Variants in VAV3 observed in about 807,000 individuals in gnomAD.
The protein encoded by VAV3 is vav guanine nucleotide exchange factor 3, also known as guanine nucleotide exchange factor VAV3.
Under a neutral mutation model 131.2 loss-of-function variants are expected in VAV3, and 94 were observed. That is an observed-to-expected ratio of 0.72 (90% CI 0.61 to 0.85). The LOEUF (loss-of-function observed/expected upper bound fraction) is 0.85. Ranked by LOEUF, VAV3 falls within the 40% of genes least tolerant of loss-of-function variation. The pLI, the probability that VAV3 is intolerant of heterozygous loss-of-function variation, is 0.00. For missense variants in VAV3, 939 were observed against 1,002.7 expected, an observed-to-expected ratio of 0.94 and a Z score of 0.86; for synonymous variants, 349 against 342.0, an observed-to-expected ratio of 1.02 and a Z score of -0.22.
Position 107,749,072 on chromosome 1 carries a change from A to C in VAV3, c.1398T>G (p.Ser466=), listed in dbSNP as rs371088930. The change falls in exon 15 of 27, where the codon TCT becomes TCG. Residue 466 remains serine, a synonymous_variant. Transcript: ENST00000370056. ...PTTDKENKKW[S]YGFYLIHTQG... is the part of the protein sequence containing the mutation. Reference sequence around the variant, plus strand: ...GGGTATGGATGAGGTAGAAGCCATAAGACCACTGTTAAAATTAATATTCCT... The same window carrying C: ...GGGTATGGATGAGGTAGAAGCCATACGACCACTGTTAAAATTAATATTCCT... 116 of 1,587,672 alleles carry C rather than the reference A, an allele frequency of 7.3e-5. 1 individual carries two copies. The African/African-American group carries it at 1.4e-3, about 19-fold the overall frequency.
intron 1 of VAV3, among the ~76,000 whole-genome samples, chr1:107,953,942 C>T (rs1246850491): frequency 6.6e-6 from 1 of 152,200 alleles, no homozygotes; most frequent in African/African-American, 2.4e-5. Context: ...ACTGAATACA[C>T]TTCTTGTAAC....
At chr1:107,702,809 A>C (rs58611294) in intron 17 of VAV3, among the ~76,000 whole-genome samples, 52,777 of 151,646 alleles carry the variant, frequency 0.35, 10,183 homozygotes, top group African/African-American at 0.53. Context: ...AAAAAAAAAA[A>C]AACCTGATTT....
chr1:107,623,679 A>G (rs947444735), intron 20 of VAV3, among the ~76,000 whole-genome samples: 2 of 152,232 alleles, frequency 1.3e-5, no homozygotes, highest in African/African-American at 4.8e-5. Context: ...GCCTACCTGC[A>G]TATGGTTATA....
intron 1 of VAV3, 69 bp downstream of exon 1, chr1:107,964,597 A>T: frequency 6.5e-7 from 1 of 1,533,766 alleles, no homozygotes; most frequent in Non-Finnish European, 8.9e-7. Flanking sequence ...GCATTTACAC[A>T]AAGAAATTAG....
chr1:107,728,600 C>CATATATGTATAT (rs1553196116), intron 15 of VAV3, among the ~76,000 whole-genome samples: 16 of 136,908 alleles, frequency 1.2e-4, no homozygotes, highest in Non-Finnish European at 2.2e-4. Context: ...TATACGTATA[C>CATATATGTATAT]GTATATGTAT....
At chr1:107,681,176 C>G (rs1377512599) in intron 19 of VAV3, among the ~76,000 whole-genome samples, 1 of 152,060 alleles carries the variant, frequency 6.6e-6, no homozygotes, top group Non-Finnish European at 1.5e-5. Flanking sequence ...TTATAAGCCA[C>G]TTTAAGTGAG....
chr1:107,644,509 G>C (rs1249208242), intron 19 of VAV3, among the ~76,000 whole-genome samples: 5 of 152,096 alleles, frequency 3.3e-5, no homozygotes, highest in Admixed American at 2.0e-4. Flanking sequence ...AAACCTCAAA[G>C]AGCTGATGTG....
intron 2 of VAV3, among the ~76,000 whole-genome samples, chr1:107,836,744 C>T (rs947639010): frequency 6.6e-6 from 1 of 152,042 alleles, no homozygotes; most frequent in Non-Finnish European, 1.5e-5. Context: ...TACCACTGAT[C>T]CTACCAAAAC....
Position 107,572,051 on chromosome 1 carries a change from G to A in VAV3, c.*1280C>T, listed in dbSNP as rs1649298781. On this transcript the variant is annotated 3_prime_UTR_variant, in exon 27 of 27. Coordinates refer to ENST00000370056, the MANE Select transcript of VAV3 (RefSeq NM_006113.5). The stretch of plus-strand genomic sequence containing the variant: ...TGCTATGGAGGAAATATTTCCATCA[G>A]GAAAGGGCCAAGTTAGTGTCTTAAC... 6.6e-6 allele frequency: 1 copy of A among 152,240 alleles called. No individual in the cohort carries two copies. The highest frequency in any genetic ancestry group is 2.4e-5 in the African/African-American group (1 of 41,466). The allele number at this position is 152,240 out of a possible 1,614,324, so 9.4% of individuals were successfully genotyped here.
intron 15 of VAV3, among the ~76,000 whole-genome samples, chr1:107,743,577 A>G (rs1005885019): frequency 1.3e-5 from 2 of 152,304 alleles, no homozygotes; most frequent in African/African-American, 2.4e-5. Context: ...TGGCTCCCTC[A>G]TTGTTATTTG....
At chr1:107,866,822 CA>C (rs66866060) in intron 2 of VAV3, among the ~76,000 whole-genome samples, 1,157 of 59,112 alleles carry the variant, frequency 0.02, 1 homozygote, top group East Asian at 0.068. Context: ...GACTCCATCT[CA>C]AAAAAAAAAA....
intron 19 of VAV3, among the ~76,000 whole-genome samples, chr1:107,674,997 G>A (rs775542396): frequency 3.9e-5 from 6 of 152,128 alleles, no homozygotes; most frequent in African/African-American, 1.2e-4. Context: ...GGAATCCCGC[G>A]AAAAGCAGTG....
Position 107,603,127 on chromosome 1 carries a change from G to A in VAV3, c.2052C>T (p.Thr684=), listed in dbSNP as rs372908741. ...TACTATTTACCCTATTAATAAGTTCGGTCTCTGCTTGCAATCTTTCCATTG... is the reference window on the plus strand; with the variant it reads ...TACTATTTACCCTATTAATAAGTTCAGTCTCTGCTTGCAATCTTTCCATTG... The part of the protein sequence containing the change: ...AGAMERLQAE[T]ELINRVNSTY... Residue 684 remains threonine (T), a synonymous_variant, in exon 23 of 27, where the codon ACC becomes ACT. Coordinates refer to ENST00000370056, the MANE Select transcript of VAV3 (RefSeq NM_006113.5). 46 of 1,613,002 alleles carry A rather than the reference G, an allele frequency of 2.9e-5. No individual in the cohort carries two copies. The highest frequency in any genetic ancestry group is 4.5e-5 in the East Asian group (2 of 44,806).
intron 20 of VAV3, among the ~76,000 whole-genome samples, chr1:107,635,400 C>T (rs1654840781): frequency 7.2e-6 from 1 of 139,434 alleles, no homozygotes. Flanking sequence ...TGTTCTCACT[C>T]ATAGGTGGGA....
intron 11 of VAV3, among the ~76,000 whole-genome samples, chr1:107,756,599 C>T (rs966643054): frequency 6.6e-6 from 1 of 151,962 alleles, no homozygotes; most frequent in Non-Finnish European, 1.5e-5. Flanking sequence ...TATTTGCCTA[C>T]GCTTTAAGTT....
chr1:107,923,056 T>C (rs531695801), intron 1 of VAV3, among the ~76,000 whole-genome samples: 2 of 152,210 alleles, frequency 1.3e-5, no homozygotes, highest in Admixed American at 1.3e-4. Flanking sequence ...AACATTTCCA[T>C]CACCCTCAAC....
chr1:107,731,331 AATGTATCCACACTT>A (rs1662225429), intron 15 of VAV3, among the ~76,000 whole-genome samples: 3 of 152,200 alleles, frequency 2.0e-5, no homozygotes, highest in Admixed American at 1.3e-4. Flanking sequence ...TGAAACTTTC[AATGTATCCACACTT>A]TTACCTGATC....
At chr1:107,925,031 T>C (rs1313438392) in intron 1 of VAV3, among the ~76,000 whole-genome samples, 2 of 152,206 alleles carry the variant, frequency 1.3e-5, no homozygotes, top group African/African-American at 4.8e-5. Context: ...TAAAATATGG[T>C]ACATTTATAA....
chr1:107,752,172 C>T (rs1663771993), intron 12 of VAV3, among the ~76,000 whole-genome samples: 1 of 152,046 alleles, frequency 6.6e-6, no homozygotes, highest in South Asian at 2.1e-4. Flanking sequence ...AGTAGAGAGC[C>T]CAGAAATAAG....
Sources: gnomAD v4.1 joint callset for allele counts (sites outside exome capture counted in the v4.1 genomes callset) on GRCh38, gnomAD v4.1.1 for gene constraint, MANE v1.5 for transcripts, NCBI Gene and HGNC (gene_info 2026-07-23, HGNC 2026-07-21) for gene names.